The following ZNF536 variants were observed in gnomAD, a reference collection of about 807,000 sequenced individuals.
The protein encoded by ZNF536 is zinc finger protein 536.
Under a neutral mutation model 84.5 loss-of-function variants are expected in ZNF536, and 13 were observed. The ratio of observed to expected loss-of-function variants is 0.15; its 90% confidence interval spans 0.10 to 0.24. ZNF536 has a LOEUF of 0.24. ZNF536 is among the 10% of genes least tolerant of loss of function. The probability of loss-of-function intolerance (pLI) is 1.00; values close to 1 mark genes in which losing one functional copy is unlikely to be tolerated. For missense variants in ZNF536, 1,536 were observed against 1,747.5 expected (o/e 0.88, Z 2.16); for synonymous variants, 811 against 742.5 (o/e 1.09, Z -1.50).
chr19:30,264,966 T>TGTGTGTGAGAGAGAGAGA (rs59889852), intron 1 of ZNF536, among the ~76,000 whole-genome samples: 90 of 133,852 alleles, frequency 6.7e-4, no homozygotes, highest in African/African-American at 4.7e-4. Flanking sequence ...TGTGTGTGTG[T>TGTGTGTGAGAGAGAGAGA]GAGAGAGAGA....
At chr19:30,251,912 T>C (rs192181106) in intron 1 of ZNF536, among the ~76,000 whole-genome samples, 113 of 152,336 alleles carry the variant, frequency 7.4e-4, no homozygotes, top group Non-Finnish European at 1.3e-3. Flanking sequence ...TGCCATTTAT[T>C]CATTCCTTTT....
chr19:30,250,195 T>C (rs1417135863), intron 1 of ZNF536, among the ~76,000 whole-genome samples: 1 of 152,180 alleles, frequency 6.6e-6, no homozygotes, highest in East Asian at 1.9e-4. Context: ...TCCTGTGGTG[T>C]TTACATTCCA....
In ZNF536 at chr19:30,266,630, G is replaced by T. The variant is rs549192765; in HGVS notation, c.-189-17442G>T. Among the ~76,000 whole-genome samples, 9 of 152,246 alleles carry T rather than the reference G, an allele frequency of 5.9e-5. No homozygotes were observed. The South Asian group carries it at 1.7e-3, about 28-fold the overall frequency. On this transcript the variant is annotated intron_variant, in intron 1 of 5. Coordinates refer to the ZNF536 transcript ENST00000585628. ...TTAAAAAGAAAATTTTTTTAAGGAG[G>T]TTGGAATGTCAAGATCATTTTTATT...
At chr19:30,543,588 G>T (rs1014227243) in intron 3 of ZNF536, among the ~76,000 whole-genome samples, 1 of 152,236 alleles carries the variant, frequency 6.6e-6, no homozygotes, top group South Asian at 2.1e-4. Context: ...GAGCGCTTGG[G>T]TAGAAGAGCA....
At chr19:30,359,350 G>T (rs2048197727) in intron 3 of ZNF536, among the ~76,000 whole-genome samples, 1 of 152,182 alleles carries the variant, frequency 6.6e-6, no homozygotes, top group South Asian at 2.1e-4. Flanking sequence ...GCCTGGTCTG[G>T]AGTGTATGAG....
intron 2 of ZNF536, among the ~76,000 whole-genome samples, chr19:30,301,867 C>A (rs113770812): frequency 6.7e-5 from 10 of 149,832 alleles, no homozygotes; most frequent in Non-Finnish European, 1.5e-4. Context: ...AGGGGAATTA[C>A]CAGGCTGGGT....
chr19:30,583,368 T>A (rs1209765814), intron 1 of ZNF536, among the ~76,000 whole-genome samples: 2 of 152,150 alleles, frequency 1.3e-5, no homozygotes, highest in African/African-American at 4.8e-5. Context: ...CCAACAGAGA[T>A]CTTTCTGTCT....
chr19:30,572,561 G>A (rs1568566106), intron 1 of ZNF536, among the ~76,000 whole-genome samples: 1 of 152,166 alleles, frequency 6.6e-6, no homozygotes, highest in Non-Finnish European at 1.5e-5. Context: ...TTCCATCATG[G>A]GGAAGGTGCA....
chr19:30,562,783 G>T (rs762361449), downstream of ZNF536, among the ~76,000 whole-genome samples: 1 of 151,580 alleles, frequency 6.6e-6, no homozygotes, highest in Non-Finnish European at 1.5e-5. Context: ...CACGGGGCAC[G>T]GAAGCAGTTC....
At chr19:30,578,319 G>A (rs553622962) in intron 1 of ZNF536, among the ~76,000 whole-genome samples, 18 of 152,198 alleles carry the variant, frequency 1.2e-4, no homozygotes, top group African/African-American at 1.4e-4. Context: ...AGGTTGGCCC[G>A]CGAAGCGCAG....
chr19:30,585,927 T>C (rs141497860), intron 1 of ZNF536, among the ~76,000 whole-genome samples: 101 of 152,270 alleles, frequency 6.6e-4, no homozygotes, highest in African/African-American at 2.1e-3. Flanking sequence ...CACACTGCAG[T>C]GGAAAGGTGT....
intron 2 of ZNF536, among the ~76,000 whole-genome samples, chr19:30,313,385 C>A (rs2046570940): frequency 6.6e-6 from 1 of 152,186 alleles, no homozygotes. Context: ...CTGACTTCTG[C>A]TTAGGTCCCC....
At chr19:30,637,217 C>G (rs1384676771) in intron 1 of ZNF536, among the ~76,000 whole-genome samples, 1 of 152,212 alleles carries the variant, frequency 6.6e-6, no homozygotes, top group East Asian at 1.9e-4. Context: ...CAAACTGAAA[C>G]TGGAACCTTT....
intron 2 of ZNF536, among the ~76,000 whole-genome samples, chr19:30,454,683 C>T (rs116683787): frequency 3.3e-5 from 5 of 152,126 alleles, no homozygotes; most frequent in Admixed American, 1.3e-4. Flanking sequence ...TGTTCATGTC[C>T]GTCTCTGGCT....
At position 30,548,371 on chromosome 19, in the gene ZNF536, T is replaced by C. The variant is rs963943541; in HGVS notation, c.2752T>C (p.Leu918=). ...CAACGGTGTGAATTTCCAAGGGTCCTTGCAAGCTTTCATGGACAGTTTTGT... is the reference window on the plus strand; with the variant it reads ...CAACGGTGTGAATTTCCAAGGGTCCCTGCAAGCTTTCATGGACAGTTTTGT... ...VSNGVNFQGS[L]QAFMDSFVLS... The change falls in exon 4 of 5, where the codon TTG becomes CTG. Residue 918 remains leucine, a synonymous_variant. Transcript: ENST00000355537. 2 of 1,614,074 alleles carry C rather than the reference T, an allele frequency of 1.2e-6. No homozygotes were observed. Among genetic ancestry groups the C allele is most frequent in the African/African-American group, 1.3e-5 (1 of 75,002 alleles).
intron 2 of ZNF536, among the ~76,000 whole-genome samples, chr19:30,310,894 A>G (rs2046479799): frequency 6.6e-6 from 1 of 152,198 alleles, no homozygotes; most frequent in Non-Finnish European, 1.5e-5. Context: ...GCGGAGGGCT[A>G]CTTTGTAAAA....
intron 1 of ZNF536, among the ~76,000 whole-genome samples, chr19:30,435,925 G>T (rs1412792056): frequency 6.6e-6 from 1 of 152,162 alleles, no homozygotes; most frequent in East Asian, 1.9e-4. Flanking sequence ...TTGCCTTTGA[G>T]AATTTTTTTT....
chr19:30,313,796 G>C (rs2046586075), intron 2 of ZNF536, among the ~76,000 whole-genome samples: 1 of 152,216 alleles, frequency 6.6e-6, no homozygotes, highest in South Asian at 2.1e-4. Flanking sequence ...TTAAGGAAAA[G>C]TGGTGTATGA....
In ZNF536 at chr19:30,598,177, C is replaced by G. The variant is rs551958822; in HGVS notation, c.169+48663C>G. Among the ~76,000 whole-genome samples, 5 of 152,326 alleles carry G rather than the reference C, an allele frequency of 3.3e-5. No individual in the cohort carries two copies. In the South Asian group the frequency reaches 1.0e-3, roughly 32 times the overall value. ...GAGCCGTGTCCTCCTGGTCTTGCTT[C>G]TGGTTGTCCTATCTTCCAGCAACTC... On this transcript the variant is annotated intron_variant, in intron 1 of 1. Transcript: ENST00000592773.
Sources: gnomAD v4.1 joint callset for allele counts (sites outside exome capture counted in the v4.1 genomes callset) on GRCh38, gnomAD v4.1.1 for gene constraint, MANE v1.5 for transcripts, NCBI Gene and HGNC (gene_info 2026-07-23, HGNC 2026-07-21) for gene names.